Variants in MROH1 observed in about 807,000 individuals in gnomAD.
MROH1 encodes the protein maestro heat-like repeat-containing protein family member 1.
In MROH1, 117 loss-of-function variants were observed where a neutral mutation model predicts 116.5. The observed-to-expected ratio is 1.00, with a 90% CI of 0.86 to 1.17. The LOEUF is 1.17. MROH1 is among the 50% of genes most tolerant of loss of function. The pLI, the probability that MROH1 is intolerant of heterozygous loss-of-function variation, is 0.00. For missense variants in MROH1, 1,873 were observed against 1,338.5 expected (o/e 1.40, Z -6.23); for synonymous variants, 921 against 583.9 (o/e 1.58, Z -8.32).
At position 144,191,748 on chromosome 8, in the gene MROH1, A is replaced by C; in HGVS notation, c.748A>C (p.Met250Leu). ...TGCCGTGGTGGAGGCTCTGGGGCCTATGAGCCATCTGCTGCCCAGTGAGAG... is the reference window on the plus strand; with the variant it reads ...TGCCGTGGTGGAGGCTCTGGGGCCTCTGAGCCATCTGCTGCCCAGTGAGAG... Reference protein sequence around the residue: ...RLAVVEALGPMSHLLPSERLE... With the variant: ...RLAVVEALGPLSHLLPSERLE... Residue 250 changes from methionine to leucine, a missense_variant, in exon 9 of 44, where the codon ATG (methionine) becomes CTG (leucine). Met to Leu is a conservative substitution (Grantham distance 15, BLOSUM62 2). Coordinates refer to ENST00000326134, the MANE Select transcript of MROH1 (RefSeq NM_032450.3). 1 of 1,613,076 alleles carries C rather than the reference A, an allele frequency of 6.2e-7. No homozygotes were observed. The highest frequency in any genetic ancestry group is 1.1e-5 in the South Asian group (1 of 90,940).
intron 1 of MROH1, among the ~76,000 whole-genome samples, chr8:144,154,022 A>G (rs1817468377): frequency 6.6e-6 from 1 of 151,746 alleles, no homozygotes; most frequent in Non-Finnish European, 1.5e-5. Context: ...GGCCTCCCCA[A>G]GTGCTGGGAC....
chr8:144,180,137 G>T lies in MROH1; in HGVS notation c.301-41G>T, dbSNP rs1411513035. On this transcript the variant is annotated intron_variant, in intron 5 of 43. Transcript: ENST00000326134. This position sits in a 1 kb window ranked among gnomAD's most constrained non-coding sequence, Gnocchi z 7.4. ...GCAGCGACTGAGGGCAGAATGTCTT[G>T]GTCTTGCCTTTTGGTCTACCTGCCG... The T allele has an allele frequency of 1.2e-6, 2 of 1,611,056 alleles. No homozygotes were observed. The highest frequency in any genetic ancestry group is 2.7e-5 in the African/African-American group (2 of 74,886).
At chr8:144,205,485 T>TTA (rs899445433) in intron 12 of MROH1, among the ~76,000 whole-genome samples, 4 of 144,116 alleles carry the variant, frequency 2.8e-5, no homozygotes, top group East Asian at 2.0e-4. Flanking sequence ...CAAAGGATTT[T>TTA]TATATATATA....
At position 144,247,402 on chromosome 8, in the gene MROH1, C is replaced by A; in HGVS notation, c.2973C>A (p.Val991=). Residue 991 remains valine (V), a synonymous_variant, in exon 30 of 44, where the codon GTC becomes GTA. Transcript: ENST00000326134. ...PATRQEAVDC[V]YSLLYLQLGY... ...CCCGCCAGGAGGCCGTGGACTGTGT[C>A]TACTCCCTGCTGTACCTCCAGCTCG... is the stretch of plus-strand genomic sequence containing the variant. 1.3e-6 allele frequency: 1 copy of A among 771,146 alleles called. No individual in the cohort carries two copies. Among genetic ancestry groups the A allele is most frequent in the Non-Finnish European group, 2.4e-6 (1 of 413,656 alleles). 47.8% of individuals were successfully genotyped at this position (771,146 alleles called of 1,614,324 possible).
intron 12 of MROH1, among the ~76,000 whole-genome samples, chr8:144,204,577 A>G (rs1832424241): frequency 6.6e-6 from 1 of 152,188 alleles, no homozygotes; most frequent in Non-Finnish European, 1.5e-5. Flanking sequence ...TGGCACTCTC[A>G]AGTCCCTCAG....
chr8:144,259,741 C>T (rs1844634694), intron 37 of MROH1, among the ~76,000 whole-genome samples, 170 bp from the exon 38 acceptor site: 1 of 152,362 alleles, frequency 6.6e-6, no homozygotes, highest in East Asian at 1.9e-4. Flanking sequence ...GAGCAGGCCC[C>T]AGCGGCACAA....
At chr8:144,206,182 T>G (rs1686647579) in intron 12 of MROH1, among the ~76,000 whole-genome samples, 1 of 152,094 alleles carries the variant, frequency 6.6e-6, no homozygotes, top group Admixed American at 6.6e-5. Context: ...CCTGAGTGGC[T>G]GGGACTGCAG....
rs906935018 is a variant in MROH1, at chr8:144,225,947, C to T, written c.1338+2717C>T. On this transcript the variant is annotated intron_variant, in intron 14 of 43. Coordinates refer to ENST00000326134, the MANE Select transcript of MROH1 (RefSeq NM_032450.3). ...TTTTTTTTTTTTAGGTGGCGTCTCACCCTATTGCCCAGGCTGGAGTGCAAT... is the reference window on the plus strand; with the variant it reads ...TTTTTTTTTTTTAGGTGGCGTCTCATCCTATTGCCCAGGCTGGAGTGCAAT... Among the ~76,000 whole-genome samples the T allele has an allele frequency of 6.3e-5, 9 of 143,182 alleles. No individual in the cohort carries two copies. In the Admixed American group the frequency reaches 6.5e-4, roughly 10 times the overall value. 93.9% of individuals were successfully genotyped at this position (143,182 alleles called of 152,430 possible). A position where few individuals can be genotyped will look rare whatever the true frequency, so the allele number is the denominator to read the frequency against.
intron 1 of MROH1, 68 bp from the exon 2 acceptor site, chr8:144,160,902 G>A (rs1301377886): frequency 6.5e-6 from 1 of 152,688 alleles, no homozygotes; most frequent in African/African-American, 2.4e-5. Flanking sequence ...TCCCTTCCTG[G>A]TGCCCCTGGG....
At chr8:144,230,313 CTT>C (rs1396361890) in intron 14 of MROH1, among the ~76,000 whole-genome samples, 1 of 152,160 alleles carries the variant, frequency 6.6e-6, no homozygotes, top group Non-Finnish European at 1.5e-5. Context: ...ACCATTCAGA[CTT>C]TCTCAGTGTC....
chr8:144,251,831 G>A (rs1330658806), intron 33 of MROH1: 1 of 162,328 alleles, frequency 6.2e-6, no homozygotes. Context: ...CAGTCCCCTA[G>A]AGGGTCACGG....
At chr8:144,158,489 A>G (rs1466795890) in intron 1 of MROH1, among the ~76,000 whole-genome samples, 1 of 152,172 alleles carries the variant, frequency 6.6e-6, no homozygotes, top group Non-Finnish European at 1.5e-5. Flanking sequence ...GTATACTTTA[A>G]TCATTCTTCT....
In MROH1 at chr8:144,179,466, A is replaced by G; in HGVS notation, c.180A>G (p.Pro60=). ...YLRQHDKLAH[P]YRAAVLRAME... ...GTGTCTCTCCGCAGCTGGCACACCC[A>G]TACCGAGCAGCGGTCCTGAGGGCCA... The change falls in exon 5 of 44, where the codon CCA becomes CCG. Residue 60 remains proline (P), a synonymous_variant. Transcript: ENST00000326134. 1.2e-6 allele frequency: 2 copies of G among 1,613,482 alleles called. No homozygotes were observed. The highest frequency in any genetic ancestry group is 1.7e-5 in the Admixed American group (1 of 60,012).
chr8:144,197,797 G>C (rs1453265738), intron 10 of MROH1, among the ~76,000 whole-genome samples: 2 of 149,640 alleles, frequency 1.3e-5, no homozygotes, highest in Admixed American at 1.3e-4. Flanking sequence ...GAGCACACCG[G>C]GGGCGGTGAC....
At chr8:144,191,490 G>A (rs1040408606) in intron 8 of MROH1, among the ~76,000 whole-genome samples, 2 of 152,158 alleles carry the variant, frequency 1.3e-5, no homozygotes, top group African/African-American at 4.8e-5. Flanking sequence ...TGCTGCTGGC[G>A]GGGCACTGAG....
At chr8:144,215,593 C>T (rs535476084) in intron 12 of MROH1, among the ~76,000 whole-genome samples, 10 of 152,248 alleles carry the variant, frequency 6.6e-5, no homozygotes, top group Admixed American at 5.2e-4. Flanking sequence ...AAACACAGGC[C>T]GGGCATGGTG....
At chr8:144,159,079 C>T (rs1338685824) in intron 1 of MROH1, among the ~76,000 whole-genome samples, 2 of 151,920 alleles carry the variant, frequency 1.3e-5, no homozygotes, top group African/African-American at 2.4e-5. Flanking sequence ...GACAGAGGGC[C>T]GGGCACAGTG....
At chr8:144,168,581 C>T (rs773638839) in intron 4 of MROH1, 141 bp downstream of exon 4, 466 of 973,370 alleles carry the variant, frequency 4.8e-4, no homozygotes, top group Non-Finnish European at 6.2e-4. Flanking sequence ...CCCCTCCACA[C>T]GTGCCTATGT....
intron 34 of MROH1, 146 bp downstream of exon 34, chr8:144,255,124 G>C (rs1183947262): frequency 6.6e-6 from 4 of 605,106 alleles, no homozygotes; most frequent in African/African-American, 5.6e-5. Flanking sequence ...CTGAGCTCAG[G>C]CTCGTAAAGG....
Sources: gnomAD v4.1 joint callset for allele counts (sites outside exome capture counted in the v4.1 genomes callset) on GRCh38, gnomAD v4.1.1 for gene constraint, Gnocchi (gnomAD v3.1) non-coding constraint, MANE v1.5 for transcripts, NCBI Gene and HGNC (gene_info 2026-07-23, HGNC 2026-07-21) for gene names.